Variants in ERBB2 observed in about 807,000 individuals in gnomAD.
ERBB2 encodes the protein receptor tyrosine-protein kinase erbB-2.
In ERBB2, 61 loss-of-function variants were observed where a neutral mutation model predicts 149.0. The observed-to-expected ratio is 0.41, with a 90% CI of 0.33 to 0.51. The LOEUF (loss-of-function observed/expected upper bound fraction) is 0.51. Ranked by LOEUF, ERBB2 falls within the 20% of genes least tolerant of loss-of-function variation. ERBB2 has a pLI of 0.25. For synonymous variants in ERBB2, 633 were observed against 678.8 expected (o/e 0.93, Z 1.05); for missense variants, 1,205 against 1,655.1 (o/e 0.73, Z 4.72).
chr17:39,702,395 G>A (rs1054514489), intron 1 of ERBB2, among the ~76,000 whole-genome samples: 1 of 152,208 alleles, frequency 6.6e-6, no homozygotes, highest in African/African-American at 2.4e-5. Context: ...AGGCCTAGGG[G>A]GAGCCCCAGA....
intron 3 of ERBB2, 155 bp from the exon 4 acceptor site, chr17:39,709,163 G>A: frequency 1.3e-6 from 1 of 797,534 alleles, no homozygotes; most frequent in Admixed American, 2.3e-5. Flanking sequence ...GGTGGTGGTG[G>A]GACTCAAAGA....
At chr17:39,688,735 C>G in exon 2 of ERBB2, 1 of 152,380 alleles carries the variant, frequency 6.6e-6, no homozygotes, top group South Asian at 2.1e-4. Flanking sequence ...GATTGCTTCC[C>G]CATGCGGGGT....
rs2145516335 is a variant in ERBB2 at position 39,710,333 on chromosome 17, C to T, written c.760-7C>T. On this transcript the variant is annotated splice_region_variant and splice_polypyrimidine_tract_variant and intron_variant, in intron 6 of 26. Transcript: ENST00000269571. ...GCACAGTGAAAGCCAGCCACCTGTC[C>T]CCCCAGGCCTGCCTCCACTTCAACC... is the stretch of plus-strand genomic sequence containing the variant. The T allele has an allele frequency of 1.2e-6, 2 of 1,614,070 alleles. No homozygotes were observed. Among genetic ancestry groups the T allele is most frequent in the South Asian group, 1.1e-5 (1 of 91,084 alleles).
intron 1 of ERBB2, among the ~76,000 whole-genome samples, chr17:39,706,346 TC>T (rs1402261262): frequency 6.6e-6 from 1 of 152,144 alleles, no homozygotes; most frequent in Non-Finnish European, 1.5e-5. Flanking sequence ...GCAGCCTGGG[TC>T]CAGATGCCCA....
chr17:39,700,208 G>C lies in ERBB2; in HGVS notation c.-31G>C, dbSNP rs768240855. The C allele has an allele frequency of 2.1e-6, 3 of 1,426,998 alleles. No individual in the cohort carries two copies. The South Asian group carries it at 4.4e-5, about 21-fold the overall frequency. 88.4% of individuals were successfully genotyped at this position (1,426,998 alleles called of 1,614,324 possible). On this transcript the variant is annotated 5_prime_UTR_variant, in exon 1 of 27. Coordinates refer to ENST00000269571, the MANE Select transcript of ERBB2 (RefSeq NM_004448.4). The stretch of plus-strand genomic sequence containing the variant: ...GCGCCCTCCCAGCCGGGTCCAGCCG[G>C]AGCCATGGGGCCGGAGCCGCAGTGA...
intron 16 of ERBB2, among the ~76,000 whole-genome samples, chr17:39,721,724 C>T (rs2059463561): frequency 6.6e-6 from 1 of 152,080 alleles, no homozygotes; most frequent in African/African-American, 2.4e-5. Context: ...ATTCCTGTAC[C>T]CATGCAGCAG....
chr17:39,695,597 A>G (rs543166151), upstream of ERBB2, among the ~76,000 whole-genome samples: 25 of 152,128 alleles, frequency 1.6e-4, no homozygotes, highest in African/African-American at 6.0e-4. Context: ...TGGCCTGGAC[A>G]TCGGACTGTG....
At chr17:39,690,384 C>T (rs1433325565), upstream of ERBB2, among the ~76,000 whole-genome samples, 1 of 152,226 alleles carries the variant, frequency 6.6e-6, no homozygotes, top group Non-Finnish European at 1.5e-5. Context: ...TGCCACACGG[C>T]CATAAAATAT....
intron 2 of ERBB2, chr17:39,707,448 C>G (rs192775785): frequency 3.5e-6 from 1 of 287,332 alleles, no homozygotes; most frequent in East Asian, 5.9e-5. Context: ...TATCCCTCTC[C>G]CACTTACAGC....
At chr17:39,722,714 C>T (rs1199103600) in intron 16 of ERBB2, among the ~76,000 whole-genome samples, 1 of 151,814 alleles carries the variant, frequency 6.6e-6, no homozygotes, top group Non-Finnish European at 1.5e-5. Flanking sequence ...TGTGTATTAA[C>T]AGTCTCCTTA....
rs1482068412 is a variant in ERBB2, at chr17:39,710,280, A to G, written c.760-60A>G. The G allele has an allele frequency of 1.3e-5, 21 of 1,612,084 alleles. 1 individual carries two copies. In the South Asian group the frequency reaches 2.0e-4, roughly 15 times the overall value. ...TGGGCACCCTGCCTGGTACTGCCCT[A>G]TTGCCCCTGGCACACCAGGGCAAAA... On this transcript the variant is annotated intron_variant, in intron 6 of 26. Transcript: ENST00000269571.
intron 9 of ERBB2, among the ~76,000 whole-genome samples, chr17:39,714,256 T>C (rs2145612280): frequency 6.6e-6 from 1 of 152,242 alleles, no homozygotes; most frequent in East Asian, 1.9e-4. Flanking sequence ...GGGAGCACTG[T>C]CTGCACCTTG....
At chr17:39,698,524 G>A (rs888178512), upstream of ERBB2, among the ~76,000 whole-genome samples, 1 of 152,150 alleles carries the variant, frequency 6.6e-6, no homozygotes, top group South Asian at 2.1e-4. Context: ...CTCCCAAAGT[G>A]CTGGAATTAC....
intron 1 of ERBB2, among the ~76,000 whole-genome samples, chr17:39,702,727 A>AGT (rs1422100426): frequency 6.6e-6 from 1 of 152,244 alleles, no homozygotes; most frequent in African/African-American, 2.4e-5. Context: ...CTTTTAAGAA[A>AGT]TGTACGGTGT....
At chr17:39,713,124 T>C (rs944797207) in intron 9 of ERBB2, 1 of 152,274 alleles carries the variant, frequency 6.6e-6, no homozygotes, top group African/African-American at 2.4e-5. Context: ...CTGTGCATTT[T>C]ATTTATTTCA....
chr17:39,721,130 T>C (rs1469505253), intron 16 of ERBB2, among the ~76,000 whole-genome samples: 2 of 152,074 alleles, frequency 1.3e-5, no homozygotes, highest in South Asian at 4.1e-4. Flanking sequence ...AAATTTTTTT[T>C]GTATAGACAG....
At chr17:39,691,890 T>TATAGATATAG (rs1567886146), upstream of ERBB2, among the ~76,000 whole-genome samples, 182 of 132,572 alleles carry the variant, frequency 1.4e-3, no homozygotes, top group African/African-American at 5.0e-3. Context: ...TAGATATAGA[T>TATAGATATAG]ATAGATATAG....
chr17:39,724,079 T>G (rs2059597655), intron 19 of ERBB2, 69 bp downstream of exon 19: 3 of 1,135,562 alleles, frequency 2.6e-6, no homozygotes, highest in African/African-American at 3.1e-5. Context: ...TGGGCTCTGG[T>G]CTCTCTTCAT....
chr17:39,705,890 G>T (rs2058400519), intron 1 of ERBB2, among the ~76,000 whole-genome samples: 1 of 152,190 alleles, frequency 6.6e-6, no homozygotes, highest in African/African-American at 2.4e-5. Flanking sequence ...TCAGGCACCT[G>T]TGGGCCTGAG....
Sources: allele counts gnomAD v4.1 joint callset (sites outside exome capture counted in the v4.1 genomes callset), GRCh38; gene constraint gnomAD v4.1.1; transcripts MANE v1.5; gene names NCBI Gene and HGNC (gene_info 2026-07-23, HGNC 2026-07-21).